Variants in CCSER1 observed in about 807,000 individuals in gnomAD.
CCSER1 encodes the protein coiled-coil serine rich protein 1.
CCSER1 carries 41 observed loss-of-function variants against 82.0 expected under a neutral mutation model. The ratio of observed to expected loss-of-function variants is 0.50; its 90% confidence interval spans 0.39 to 0.65. The LOEUF (loss-of-function observed/expected upper bound fraction) is 0.65. Ranked by LOEUF, CCSER1 falls within the 30% of genes least tolerant of loss-of-function variation. The probability of loss-of-function intolerance (pLI) is 0.00; values close to 1 mark genes in which losing one functional copy is unlikely to be tolerated. For missense variants in CCSER1, 1,119 were observed against 1,064.2 expected, an observed-to-expected ratio of 1.05 and a Z score of -0.72; for synonymous variants, 414 against 383.9, an observed-to-expected ratio of 1.08 and a Z score of -0.92.
At chr4:90,193,496 A>AGAT (rs1736024913) in intron 1 of CCSER1, among the ~76,000 whole-genome samples, 1 of 152,068 alleles carries the variant, frequency 6.6e-6, no homozygotes, top group Non-Finnish European at 1.5e-5. Flanking sequence ...TTATAGATTA[A>AGAT]GATAATAATA....
intron 9 of CCSER1, among the ~76,000 whole-genome samples, chr4:91,066,692 TTC>T (rs1720851117): frequency 6.6e-6 from 1 of 152,318 alleles, no homozygotes; most frequent in South Asian, 2.1e-4. Flanking sequence ...AGAAATCATA[TTC>T]TCTATCTCTA....
chr4:90,875,782 G>A (rs962787378), intron 8 of CCSER1, among the ~76,000 whole-genome samples: 1 of 152,138 alleles, frequency 6.6e-6, no homozygotes, highest in African/African-American at 2.4e-5. Context: ...TTCAAAAGAA[G>A]AGCGAAGGTC....
At chr4:90,908,417 A>T (rs1233128084) in intron 8 of CCSER1, among the ~76,000 whole-genome samples, 1 of 152,086 alleles carries the variant, frequency 6.6e-6, no homozygotes, top group African/African-American at 2.4e-5. Flanking sequence ...GATAAAATAG[A>T]TAAGGTGATA....
intron 1 of CCSER1, among the ~76,000 whole-genome samples, chr4:90,168,736 C>G (rs964513462): frequency 6.7e-6 from 1 of 149,578 alleles, no homozygotes; most frequent in Non-Finnish European, 1.5e-5. Flanking sequence ...ATAGGGAATC[C>G]TTTCCCCATT....
At chr4:91,144,733 G>A (rs989107548) in intron 10 of CCSER1, among the ~76,000 whole-genome samples, 2 of 151,718 alleles carry the variant, frequency 1.3e-5, no homozygotes, top group African/African-American at 4.8e-5. Context: ...AGGGCATTCA[G>A]AAACAAGTTA....
At chr4:90,984,152 C>A (rs1224646947) in intron 9 of CCSER1, among the ~76,000 whole-genome samples, 1 of 151,768 alleles carries the variant, frequency 6.6e-6, no homozygotes, top group African/African-American at 2.4e-5. Context: ...CTGTTGGTAG[C>A]AACCACTGAA....
chr4:91,075,708 T>C (rs1367688043), intron 9 of CCSER1, among the ~76,000 whole-genome samples: 1 of 152,154 alleles, frequency 6.6e-6, no homozygotes, highest in Admixed American at 6.5e-5. Flanking sequence ...TGCAAAGGAT[T>C]TTTTTGTTGT....
intron 5 of CCSER1, among the ~76,000 whole-genome samples, chr4:90,616,071 G>C (rs1390415558): frequency 1.3e-5 from 2 of 152,094 alleles, no homozygotes; most frequent in Non-Finnish European, 1.5e-5. Flanking sequence ...GAATTTTTTA[G>C]CAATAAATTA....
At chr4:90,806,272 G>A (rs984498851) in intron 7 of CCSER1, among the ~76,000 whole-genome samples, 4 of 152,128 alleles carry the variant, frequency 2.6e-5, no homozygotes, top group African/African-American at 7.2e-5. Flanking sequence ...ATAAATGAAT[G>A]TAAATGATAT....
At chr4:90,623,232 C>A (rs2148889538) in intron 5 of CCSER1, among the ~76,000 whole-genome samples, 1 of 151,932 alleles carries the variant, frequency 6.6e-6, no homozygotes, top group African/African-American at 2.4e-5. Flanking sequence ...GACAGGGTTT[C>A]AGCGTGTTAA....
At chr4:90,575,033 C>G (rs1448133396) in intron 5 of CCSER1, among the ~76,000 whole-genome samples, 1 of 152,110 alleles carries the variant, frequency 6.6e-6, no homozygotes, top group Non-Finnish European at 1.5e-5. Flanking sequence ...GTTTTTGTCT[C>G]TTTATACACC....
chr4:90,827,957 A>G (rs1341131160), intron 8 of CCSER1, among the ~76,000 whole-genome samples: 1 of 152,062 alleles, frequency 6.6e-6, no homozygotes, highest in Non-Finnish European at 1.5e-5. Flanking sequence ...TAGGAGAGTA[A>G]ATGGTTTTGG....
chr4:90,141,724 A>C (rs1183965859), intron 1 of CCSER1, among the ~76,000 whole-genome samples: 1 of 152,348 alleles, frequency 6.6e-6, no homozygotes, highest in Middle Eastern at 3.4e-3. Context: ...AACTTTGCCG[A>C]TGAAATGTCA....
At chr4:90,643,564 AT>A (rs1373156366) in intron 6 of CCSER1, among the ~76,000 whole-genome samples, 1 of 152,212 alleles carries the variant, frequency 6.6e-6, no homozygotes, top group African/African-American at 2.4e-5. Context: ...TGTAGAGAAT[AT>A]TAAATGTGTT....
chr4:91,434,997 G>A (rs1754563367), intron 10 of CCSER1, among the ~76,000 whole-genome samples: 1 of 152,110 alleles, frequency 6.6e-6, no homozygotes, highest in Admixed American at 6.5e-5. Context: ...GTTGTTGTTT[G>A]TTTGTTTTGT....
At chr4:91,361,370 A>C (rs1749230389) in intron 10 of CCSER1, among the ~76,000 whole-genome samples, 1 of 151,804 alleles carries the variant, frequency 6.6e-6, no homozygotes, top group African/African-American at 2.4e-5. Flanking sequence ...AAAGCAGAGA[A>C]AAAGAATCAG....
chr4:91,444,976 T>C (rs1755455478), intron 10 of CCSER1, among the ~76,000 whole-genome samples: 1 of 152,354 alleles, frequency 6.6e-6, no homozygotes, highest in Admixed American at 6.5e-5. Context: ...TAAATCCTGC[T>C]ATTACAGGAA....
At chr4:90,588,138 C>T (rs562533262) in intron 5 of CCSER1, among the ~76,000 whole-genome samples, 3 of 152,284 alleles carry the variant, frequency 2.0e-5, no homozygotes, top group South Asian at 2.1e-4. Context: ...GACTAATCAG[C>T]GTGGTGGCCA....
Position 90,593,963 on chromosome 4 carries a change from A to G in CCSER1, c.1725-34062A>G, listed in dbSNP as rs147932428. Among the ~76,000 whole-genome samples the G allele has an allele frequency of 3.2e-3, 492 of 152,128 alleles. 1 individual carries two copies. The highest frequency in any genetic ancestry group is 9.4e-3 in the Admixed American group (143 of 15,240). ...TCAGTAAATATTGGTCAATTATATA[A>G]CTGCAGATGTACAGCATAATTAAAT... On this transcript the variant is annotated intron_variant, in intron 5 of 10. Transcript: ENST00000509176.
Sources: gnomAD v4.1 joint callset for allele counts (sites outside exome capture counted in the v4.1 genomes callset) on GRCh38, gnomAD v4.1.1 for gene constraint, MANE v1.5 for transcripts, NCBI Gene and HGNC (gene_info 2026-07-23, HGNC 2026-07-21) for gene names.